RARB: variants seen among roughly 807,000 people sequenced by gnomAD.
RARB encodes the protein retinoic acid receptor beta, also known as HBV-activated protein.
Under a neutral mutation model 51.9 loss-of-function variants are expected in RARB, and 17 were observed. The ratio of observed to expected loss-of-function variants is 0.33; its 90% CI spans 0.22 to 0.49. RARB has a LOEUF of 0.49. RARB is among the 20% of genes least tolerant of loss of function. The pLI, the probability that RARB is intolerant of heterozygous loss-of-function variation, is 0.99. For missense variants in RARB, 369 were observed against 550.8 expected, an observed-to-expected ratio of 0.67 and a Z score of 3.30; for synonymous variants, 215 against 195.4, an observed-to-expected ratio of 1.10 and a Z score of -0.84.
intron 4 of RARB, among the ~76,000 whole-genome samples, chr3:25,161,212 A>T (rs369854870): frequency 2.4e-5 from 2 of 83,214 alleles, no homozygotes; most frequent in Non-Finnish European, 4.9e-5. Context: ...TATTATTATT[A>T]TTATTTTGTA....
intron 3 of RARB, among the ~76,000 whole-genome samples, chr3:25,569,393 T>G (rs1263562919): frequency 6.6e-6 from 1 of 152,182 alleles, no homozygotes; most frequent in Admixed American, 6.5e-5. Flanking sequence ...TCCCTTACAA[T>G]GTCACTCAGG....
intron 2 of RARB, among the ~76,000 whole-genome samples, chr3:24,998,412 G>A (rs976002382): frequency 1.3e-5 from 2 of 151,812 alleles, no homozygotes; most frequent in African/African-American, 4.8e-5. Context: ...TGGCACAGAT[G>A]TGGTGTTTGG....
intron 1 of RARB, among the ~76,000 whole-genome samples, chr3:25,438,693 T>A (rs1294402147): frequency 6.6e-6 from 1 of 152,120 alleles, no homozygotes; most frequent in Non-Finnish European, 1.5e-5. Context: ...GTTACTCACT[T>A]GGGGGTCCTC....
intron 1 of RARB, among the ~76,000 whole-genome samples, chr3:25,439,652 C>T (rs750594829): frequency 6.6e-6 from 1 of 152,128 alleles, no homozygotes; most frequent in Non-Finnish European, 1.5e-5. Context: ...CTTGCCTTGG[C>T]GTGTCAAAGT....
At chr3:25,479,862 C>T (rs1166648253) in intron 2 of RARB, among the ~76,000 whole-genome samples, 1 of 152,172 alleles carries the variant, frequency 6.6e-6, no homozygotes, top group Non-Finnish European at 1.5e-5. Context: ...AGACTTCCTC[C>T]CTCCTCTTGC....
chr3:25,183,879 A>G (rs1004860801), intron 5 of RARB, among the ~76,000 whole-genome samples: 3 of 152,110 alleles, frequency 2.0e-5, no homozygotes, highest in Non-Finnish European at 4.4e-5. Context: ...AATTAGTTGT[A>G]CACACTTTTG....
Position 24,858,027 on chromosome 3 carries a change from A to G in RARB, c.-458-647A>G, listed in dbSNP as rs115596103. 4.0e-3 allele frequency among the ~76,000 whole-genome samples: 603 copies of G among 152,350 alleles called. 6 individuals carry two copies. The highest frequency in any genetic ancestry group is 0.014 in the African/African-American group (591 of 41,578). ...TTATTTAGCTTCCCTAGCAGGAGGA[A>G]ATTAAGAAAACTAAATTATATTCTT... On this transcript the variant is annotated intron_variant, in intron 1 of 11. Transcript: ENST00000383772.
intron 5 of RARB, among the ~76,000 whole-genome samples, chr3:25,179,396 T>A (rs1700819035): frequency 6.6e-6 from 1 of 152,214 alleles, no homozygotes; most frequent in South Asian, 2.1e-4. Flanking sequence ...TTCTATTGAG[T>A]TATATTTGTC....
At chr3:25,443,867 G>C (rs958387409) in intron 1 of RARB, among the ~76,000 whole-genome samples, 1 of 151,976 alleles carries the variant, frequency 6.6e-6, no homozygotes. Context: ...GGAGGCAGAG[G>C]TTACAGTGAG....
chr3:25,421,836 C>A (rs1294066073), intron 5 of RARB, among the ~76,000 whole-genome samples: 1 of 152,198 alleles, frequency 6.6e-6, no homozygotes, highest in African/African-American at 2.4e-5. Context: ...CCTAGCCAGA[C>A]AGCTAGTAAG....
At chr3:24,867,094 T>C (rs1385250240) in intron 2 of RARB, among the ~76,000 whole-genome samples, 1 of 152,124 alleles carries the variant, frequency 6.6e-6, no homozygotes, top group African/African-American at 2.4e-5. Context: ...ATGTTATCTG[T>C]AGGAGTAATT....
At chr3:25,106,981 A>G in intron 3 of RARB, among the ~76,000 whole-genome samples, 1 of 148,418 alleles carries the variant, frequency 6.7e-6, no homozygotes, top group African/African-American at 2.5e-5. Flanking sequence ...GCTCACTGCA[A>G]CCTCCGCCTC....
At chr3:25,325,837 T>A (rs1704701253) in intron 5 of RARB, among the ~76,000 whole-genome samples, 1 of 151,774 alleles carries the variant, frequency 6.6e-6, no homozygotes, top group Non-Finnish European at 1.5e-5. Context: ...AAGAAAGAGC[T>A]TTTGGAAATA....
At chr3:25,210,581 G>A (rs1268802431) in intron 5 of RARB, among the ~76,000 whole-genome samples, 3 of 118,366 alleles carry the variant, frequency 2.5e-5, no homozygotes, top group Admixed American at 1.1e-4. Context: ...TGTTGCCCAG[G>A]CAAGAGTGCA....
At chr3:24,991,690 T>A (rs1050718194) in intron 2 of RARB, among the ~76,000 whole-genome samples, 1 of 151,970 alleles carries the variant, frequency 6.6e-6, no homozygotes, top group Non-Finnish European at 1.5e-5. Flanking sequence ...ATAAAAGTTT[T>A]AAAAATGCAT....
At chr3:25,422,393 T>C (rs777919765) in intron 5 of RARB, among the ~76,000 whole-genome samples, 34 of 152,180 alleles carry the variant, frequency 2.2e-4, no homozygotes, top group Non-Finnish European at 4.3e-4. Flanking sequence ...TGGAATAGCA[T>C]AGGGAAGTCA....
intron 2 of RARB, among the ~76,000 whole-genome samples, chr3:24,933,174 A>G (rs1446214570): frequency 6.6e-6 from 1 of 152,126 alleles, no homozygotes; most frequent in Non-Finnish European, 1.5e-5. Context: ...AAAAATATGC[A>G]AATCCTATAA....
rs1575151418 is a variant in RARB, at chr3:25,081,311, G to A, written c.-328+21135G>A. The stretch of plus-strand genomic sequence containing the variant: ...ATATTTGACACTTAGAATTTATTAA[G>A]GTTTTTGTTTTATGACCCAGCATAC... On this transcript the variant is annotated intron_variant, in intron 3 of 11. Coordinates refer to the RARB transcript ENST00000383772. 2.0e-5 allele frequency among the ~76,000 whole-genome samples: 3 copies of A among 151,808 alleles called. No homozygotes were observed. The South Asian group carries it at 6.2e-4, about 32-fold the overall frequency.
chr3:25,340,913 C>G (rs960777057), intron 5 of RARB, among the ~76,000 whole-genome samples: 6 of 152,274 alleles, frequency 3.9e-5, no homozygotes, highest in Admixed American at 6.5e-5. Flanking sequence ...TGAGTGAGTA[C>G]AGAATCATTC....
Sources: allele counts gnomAD v4.1 joint callset (sites outside exome capture counted in the v4.1 genomes callset), GRCh38; gene constraint gnomAD v4.1.1; transcripts MANE v1.5; gene names NCBI Gene and HGNC (gene_info 2026-07-23, HGNC 2026-07-21).